Variants in PARD3 observed in about 807,000 individuals in gnomAD.
The protein encoded by PARD3 is partitioning defective 3 homolog.
In PARD3, 75 loss-of-function variants were observed where a neutral mutation model predicts 155.4. That is an observed-to-expected ratio of 0.48 (90% CI 0.40 to 0.58). The LOEUF is 0.58. Among genes scored for constraint, PARD3 ranks in the 20% least tolerant of loss-of-function variants. PARD3 has a pLI of 0.00. For synonymous variants in PARD3, 576 were observed against 610.5 expected (o/e 0.94, Z 0.83); for missense variants, 1,642 against 1,721.7 (o/e 0.95, Z 0.82).
chr10:34,508,770 A>G (rs1376438945), intron 3 of PARD3, among the ~76,000 whole-genome samples: 3 of 152,322 alleles, frequency 2.0e-5, no homozygotes, highest in African/African-American at 7.2e-5. Context: ...ATTCCAGAAT[A>G]CATGTCCTAG....
intron 5 of PARD3, among the ~76,000 whole-genome samples, chr10:34,429,397 T>C (rs921731687): frequency 6.6e-6 from 1 of 151,736 alleles, no homozygotes; most frequent in Non-Finnish European, 1.5e-5. Context: ...ATCTTTTTTT[T>C]TTTTTTCCTT....
At chr10:34,530,785 C>T (rs1185298443) in intron 2 of PARD3, among the ~76,000 whole-genome samples, 5 of 152,168 alleles carry the variant, frequency 3.3e-5, no homozygotes, top group East Asian at 3.8e-4. Context: ...TCCATAGTAA[C>T]GACCATCCTT....
chr10:34,293,862 A>G (rs1956784525), intron 20 of PARD3, among the ~76,000 whole-genome samples: 1 of 152,186 alleles, frequency 6.6e-6, no homozygotes, highest in Admixed American at 6.5e-5. Flanking sequence ...TAAACCCAAC[A>G]CTTTGCCAGG....
rs535896481 is a variant in PARD3, at chr10:34,685,039, C to T, written c.222+11279G>A. Among the ~76,000 whole-genome samples, 51 of 152,190 alleles carry T rather than the reference C, an allele frequency of 3.4e-4. 1 individual carries two copies. The highest frequency in any genetic ancestry group is 1.1e-3 in the African/African-American group (45 of 41,528). On this transcript the variant is annotated intron_variant, in intron 2 of 24. Coordinates refer to ENST00000374788, the MANE Select transcript of PARD3 (RefSeq NM_001184785.2). ...CATATGCTATCTTTTAAATTATTCACGCACTCTGGTTTGAAAAACTTATTA... is the reference window on the plus strand; with the variant it reads ...CATATGCTATCTTTTAAATTATTCATGCACTCTGGTTTGAAAAACTTATTA...
intron 22 of PARD3, among the ~76,000 whole-genome samples, chr10:34,134,979 C>T (rs571882876): frequency 6.6e-6 from 1 of 152,276 alleles, no homozygotes; most frequent in South Asian, 2.1e-4. Context: ...TATTCATTAG[C>T]AATAGTGACT....
intron 18 of PARD3, among the ~76,000 whole-genome samples, chr10:34,335,598 G>A (rs932046593): frequency 1.3e-5 from 2 of 151,972 alleles, no homozygotes; most frequent in Admixed American, 6.6e-5. Flanking sequence ...CAGTATTTTA[G>A]AAGTAACGAA....
intron 2 of PARD3, among the ~76,000 whole-genome samples, chr10:34,531,650 C>A (rs1286407576): frequency 2.0e-5 from 3 of 152,092 alleles, no homozygotes; most frequent in Non-Finnish European, 4.4e-5. Context: ...TTATAATGGT[C>A]CCTACACTGG....
At chr10:34,128,183 CT>C (rs1316159431) in intron 23 of PARD3, among the ~76,000 whole-genome samples, 1 of 152,154 alleles carries the variant, frequency 6.6e-6, no homozygotes, top group Non-Finnish European at 1.5e-5. Flanking sequence ...AGTTAAAGCT[CT>C]TCAAACTACA....
intron 2 of PARD3, among the ~76,000 whole-genome samples, chr10:34,687,576 A>G (rs2093972030): frequency 6.6e-6 from 1 of 152,106 alleles, no homozygotes; most frequent in African/African-American, 2.4e-5. Context: ...TTCCTCCACA[A>G]AGGGCAAGAA....
At chr10:34,463,378 G>A (rs1469668007) in intron 4 of PARD3, among the ~76,000 whole-genome samples, 2 of 138,914 alleles carry the variant, frequency 1.4e-5, no homozygotes. Context: ...GGAGGGGAGG[G>A]GAAGGGGAAA....
intron 18 of PARD3, 38 bp downstream of exon 18, chr10:34,336,161 A>T: frequency 6.5e-7 from 1 of 1,536,934 alleles, no homozygotes; most frequent in African/African-American, 1.4e-5. Context: ...TATGTGGGCC[A>T]TCGTTTCTAT....
intron 19 of PARD3, among the ~76,000 whole-genome samples, chr10:34,326,124 CTA>C (rs970203821): frequency 1.6e-5 from 2 of 122,430 alleles, no homozygotes; most frequent in Non-Finnish European, 3.3e-5. Context: ...GACACTCTTT[CTA>C]AAAAAAAAAA....
chr10:34,714,638 T>A (rs1165226507), intron 1 of PARD3, among the ~76,000 whole-genome samples: 1 of 152,066 alleles, frequency 6.6e-6, no homozygotes, highest in Non-Finnish European at 1.5e-5. Context: ...GGAGTTCCCA[T>A]CTCCTTGCAG....
intron 5 of PARD3, among the ~76,000 whole-genome samples, chr10:34,423,865 G>A (rs907723104): frequency 3.9e-5 from 6 of 152,160 alleles, no homozygotes; most frequent in Admixed American, 3.3e-4. Flanking sequence ...TCACAGAACC[G>A]TTATTAAAGT....
chr10:34,279,271 T>C (rs1283432212), intron 21 of PARD3, among the ~76,000 whole-genome samples: 1 of 151,362 alleles, frequency 6.6e-6, no homozygotes, highest in Non-Finnish European at 1.5e-5. Flanking sequence ...TGCTAAAGTG[T>C]TAGGATTACA....
rs748001249 is a variant in PARD3 at position 34,791,843 on chromosome 10, T to TAA, written c.120+23031_120+23032dup. On this transcript the variant is annotated intron_variant, in intron 1 of 24. Coordinates refer to ENST00000374788, the MANE Select transcript of PARD3 (RefSeq NM_001184785.2). Reference sequence around the variant, plus strand: ...AGACACAGTCAGACCCTGCCTCGTTTAAAAAAAAAAAAAAAAATCAGGACA... The same window carrying TAA: ...AGACACAGTCAGACCCTGCCTCGTTTAAAAAAAAAAAAAAAAAAATCAGGACA... 1.7e-4 allele frequency among the ~76,000 whole-genome samples: 24 copies of TAA among 139,834 alleles called. 1 individual carries two copies. The East Asian group carries it at 4.2e-3, about 24-fold the overall frequency. 91.7% of individuals were successfully genotyped at this position (139,834 alleles called of 152,430 possible). A position where few individuals can be genotyped will look rare whatever the true frequency, so the allele number is the denominator to read the frequency against.
chr10:34,401,031 G>T, intron 6 of PARD3, among the ~76,000 whole-genome samples: 1 of 152,056 alleles, frequency 6.6e-6, no homozygotes, highest in East Asian at 1.9e-4. Context: ...CATTCAAACA[G>T]CATCTGACTC....
In PARD3 at chr10:34,111,477, CT is replaced by C; in HGVS notation, c.3753del (p.Glu1252ArgfsTer44). On this transcript the variant is annotated frameshift_variant, in exon 25 of 25. Transcript: ENST00000374788. LOFTEE classifies it high-confidence loss of function. Reference protein sequence around the residue: ...YSPGEGFQSAKENPRYSSYQG... With the variant: ...YSPGEGFQSAXENPRYSSYQG... ...TGGTAGCTGGAGTACCTGGGGTTCT[CT>C]TTGGCACTCTGGAAGCCTTCCCCAG... The C allele has an allele frequency of 6.2e-7, 1 of 1,614,140 alleles. No homozygotes were observed. Among genetic ancestry groups the C allele is most frequent in the South Asian group, 1.1e-5 (1 of 91,080 alleles).
intron 2 of PARD3, among the ~76,000 whole-genome samples, chr10:34,674,146 T>C (rs1195170586): frequency 1.3e-5 from 2 of 152,224 alleles, no homozygotes; most frequent in Non-Finnish European, 2.9e-5. Flanking sequence ...GTTATATCTG[T>C]ATTTCTTCGT....
Sources: allele counts gnomAD v4.1 joint callset (sites outside exome capture counted in the v4.1 genomes callset), GRCh38; gene constraint gnomAD v4.1.1; transcripts MANE v1.5; gene names NCBI Gene and HGNC (gene_info 2026-07-23, HGNC 2026-07-21).